Variants in ADCY5 observed in about 807,000 individuals in gnomAD.
The protein encoded by ADCY5 is adenylate cyclase 5.
ADCY5 carries 30 observed loss-of-function variants against 119.7 expected under a neutral mutation model. The observed-to-expected ratio is 0.25, with a 90% CI of 0.19 to 0.34. The LOEUF is 0.34. ADCY5 is among the 10% of genes least tolerant of loss of function. ADCY5 has a pLI of 1.00. For synonymous variants in ADCY5, 753 were observed against 762.2 expected (o/e 0.99, Z 0.20); for missense variants, 1,324 against 1,775.2 (o/e 0.75, Z 4.57).
At chr3:123,356,153 G>A (rs962442732) in intron 1 of ADCY5, among the ~76,000 whole-genome samples, 1 of 152,156 alleles carries the variant, frequency 6.6e-6, no homozygotes, top group African/African-American at 2.4e-5. Flanking sequence ...TTCACTCGAA[G>A]TGAATCAGAG....
intron 1 of ADCY5, among the ~76,000 whole-genome samples, chr3:123,400,594 A>G (rs570004041): frequency 1.2e-4 from 19 of 152,342 alleles, no homozygotes; most frequent in Admixed American, 1.0e-3. Context: ...AGTTATTTAA[A>G]ATAATGCAGT....
At chr3:123,428,043 G>T (rs1405165901) in intron 1 of ADCY5, among the ~76,000 whole-genome samples, 1 of 152,224 alleles carries the variant, frequency 6.6e-6, no homozygotes, top group Non-Finnish European at 1.5e-5. Context: ...TGACTAGGAG[G>T]ATCAACGGAC....
intron 2 of ADCY5, among the ~76,000 whole-genome samples, chr3:123,351,632 C>A (rs1942840772): frequency 6.6e-6 from 1 of 152,162 alleles, no homozygotes; most frequent in Admixed American, 6.5e-5. Flanking sequence ...CCACACAGCC[C>A]CCCAGGCCTC....
intron 1 of ADCY5, among the ~76,000 whole-genome samples, chr3:123,427,941 A>G (rs913459050): frequency 2.0e-5 from 3 of 152,208 alleles, no homozygotes; most frequent in African/African-American, 4.8e-5. Flanking sequence ...CTAGGCAAAG[A>G]GAGAACTGAT....
intron 17 of ADCY5, among the ~76,000 whole-genome samples, chr3:123,293,900 G>C (rs922230207): frequency 2.6e-5 from 4 of 152,210 alleles, no homozygotes; most frequent in Non-Finnish European, 4.4e-5. Context: ...AAGAATGAGG[G>C]AGGGCTCTTT....
At chr3:123,346,049 G>A (rs1942535193) in intron 3 of ADCY5, among the ~76,000 whole-genome samples, 1 of 152,234 alleles carries the variant, frequency 6.6e-6, no homozygotes, top group Non-Finnish European at 1.5e-5. Flanking sequence ...GATAATCACA[G>A]TACAGCCCTC....
chr3:123,406,535 C>A (rs1944906405), intron 1 of ADCY5, among the ~76,000 whole-genome samples: 1 of 152,228 alleles, frequency 6.6e-6, no homozygotes, highest in Non-Finnish European at 1.5e-5. Context: ...TCTGGTGCCC[C>A]TGATCAGCAA....
At position 123,402,769 on chromosome 3, in the gene ADCY5, C is replaced by T. The variant is rs191765613; in HGVS notation, c.1134+44643G>A. On this transcript the variant is annotated intron_variant, in intron 1 of 20. Coordinates refer to ENST00000462833, the MANE Select transcript of ADCY5 (RefSeq NM_183357.3). ...TCGGGAGGCAGAGGCAGGAGAATGG[C>T]GTGAACCCGGGAGGCGGAGCTTGCA... Among the ~76,000 whole-genome samples, 90 of 150,384 alleles carry T rather than the reference C, an allele frequency of 6.0e-4. No homozygotes were observed. In the East Asian group the frequency reaches 0.012, roughly 20 times the overall value.
chr3:123,348,452 G>T (rs1942679853), intron 2 of ADCY5, among the ~76,000 whole-genome samples: 1 of 152,182 alleles, frequency 6.6e-6, no homozygotes. Context: ...AGCTTCCGGT[G>T]TCATGGGGGT....
rs373285892 is a variant in ADCY5 at position 123,314,270 on chromosome 3, C to T, written c.2407G>A (p.Val803Met). 46 of 1,613,902 alleles carry T rather than the reference C, an allele frequency of 2.9e-5. No individual in the cohort carries two copies. Among genetic ancestry groups the T allele is most frequent in the Non-Finnish European group, 3.9e-5 (46 of 1,179,860 alleles). ...GAGTAGATCACAGACACAAACACCA[C>T]CAAGGTCAGCAGCAGGGAACAGGTC... ...YLTCSLLLTL[V>M]VFVSVIYSCV... The change falls in exon 12 of 21, where the codon GTG (valine) becomes ATG (methionine). Residue 803 changes from valine to methionine, a missense_variant. By Grantham distance (21) the Val-to-Met change is conservative. This residue lies in a region of ADCY5 where 424 missense variants were observed against 546.8 expected (regional missense o/e 0.78). Coordinates refer to ENST00000462833, the MANE Select transcript of ADCY5 (RefSeq NM_183357.3).
chr3:123,285,382 C>A (rs1938670681), intron 20 of ADCY5, among the ~76,000 whole-genome samples: 1 of 152,208 alleles, frequency 6.6e-6, no homozygotes, highest in South Asian at 2.1e-4. Context: ...AAGAAGAGAG[C>A]TCACCGATGG....
At chr3:123,419,928 C>T (rs977273306) in intron 1 of ADCY5, among the ~76,000 whole-genome samples, 2 of 151,884 alleles carry the variant, frequency 1.3e-5, no homozygotes, top group Non-Finnish European at 2.9e-5. Context: ...GTTGTAGACA[C>T]CCCCCCACCC....
Position 123,447,807 on chromosome 3 carries a change from C to T in ADCY5, c.739G>A (p.Ala247Thr). The T allele has an allele frequency of 1.9e-6, 3 of 1,612,716 alleles. No individual in the cohort carries two copies. Among genetic ancestry groups the T allele is most frequent in the South Asian group, 2.2e-5 (2 of 91,070 alleles). Reference sequence around the variant, plus strand: ...ACCAGGCACACGAGCACCAGCACGGCCATGAGCATGGTGAGGCTGCTCTGG... The same window carrying T: ...ACCAGGCACACGAGCACCAGCACGGTCATGAGCATGGTGAGGCTGCTCTGG... ...LNQSSLTMLM[A>T]VLVLVCLVML... Residue 247 changes from alanine (A) to threonine (T), a missense_variant, in exon 1 of 21, where the codon GCC becomes ACC. Transcript: ENST00000462833.
chr3:123,368,103 GC>G (rs1943514028), intron 1 of ADCY5: 3 of 1,343,764 alleles, frequency 2.2e-6, no homozygotes, highest in Non-Finnish European at 2.9e-6. Context: ...GGAGTCAGGA[GC>G]CCCAGGGGCC....
At chr3:123,327,551 A>G (rs1941551123) in intron 7 of ADCY5, 67 bp downstream of exon 7, 4 of 1,458,354 alleles carry the variant, frequency 2.7e-6, no homozygotes, top group Non-Finnish European at 3.7e-6. Context: ...AGGAAGCAGC[A>G]GGTCACGAAA....
intron 3 of ADCY5, among the ~76,000 whole-genome samples, chr3:123,336,315 G>A (rs1485719330): frequency 6.6e-6 from 1 of 152,236 alleles, no homozygotes; most frequent in African/African-American, 2.4e-5. Flanking sequence ...TAGTTGTTCT[G>A]GAAATTCTTC....
rs749234007 is a variant in ADCY5, at chr3:123,304,049, G to A, written c.2559+18C>T. The A allele has an allele frequency of 4.3e-5, 66 of 1,542,402 alleles. No individual in the cohort carries two copies. Among genetic ancestry groups the A allele is most frequent in the Non-Finnish European group, 5.8e-5 (65 of 1,114,964 alleles). The stretch of plus-strand genomic sequence containing the variant: ...CAATGGGGCTGCGGAGGTGCTAGGA[G>A]GTCGTGCAGCCACCCACCATGTTGA... On this transcript the variant is annotated intron_variant, in intron 13 of 20. Transcript: ENST00000462833.
At chr3:123,370,788 C>T (rs1943608716) in intron 1 of ADCY5, among the ~76,000 whole-genome samples, 1 of 152,150 alleles carries the variant, frequency 6.6e-6, no homozygotes, top group African/African-American at 2.4e-5. Context: ...GATGGCAAGC[C>T]CCTATCCCAT....
rs574553935 is a variant in ADCY5 at position 123,300,109 on chromosome 3, G to A, written c.2900+11C>T. On this transcript the variant is annotated intron_variant, in intron 15 of 20. Transcript: ENST00000462833. Reference sequence around the variant, plus strand: ...ATGCCCAGTGGGGAGCGTGAGGGAGGTGCCCCATACATGGCGTTGGCGGTG... The same window carrying A: ...ATGCCCAGTGGGGAGCGTGAGGGAGATGCCCCATACATGGCGTTGGCGGTG... 121 of 1,613,262 alleles carry A rather than the reference G, an allele frequency of 7.5e-5. 2 individuals carry two copies. The South Asian group carries it at 1.3e-3, about 18-fold the overall frequency.
Sources: allele counts gnomAD v4.1 joint callset (sites outside exome capture counted in the v4.1 genomes callset), GRCh38; gene constraint gnomAD v4.1.1; regional missense constraint gnomAD v4.1.1; transcripts MANE v1.5; gene names NCBI Gene and HGNC (gene_info 2026-07-23, HGNC 2026-07-21).